COL19A1: variants seen among roughly 807,000 people sequenced by gnomAD.
COL19A1 encodes collagen alpha-1(XIX) chain.
Under a neutral mutation model 190.2 loss-of-function variants are expected in COL19A1, and 159 were observed. The observed-to-expected ratio is 0.84, with a 90% CI of 0.73 to 0.95. The LOEUF (loss-of-function observed/expected upper bound fraction) is 0.95. Ranked by LOEUF, COL19A1 falls within the 40% of genes least tolerant of loss-of-function variation. The pLI, the probability that COL19A1 is intolerant of heterozygous loss-of-function variation, is 0.00. For synonymous variants in COL19A1, 509 were observed against 458.9 expected (o/e 1.11, Z -1.39); for missense variants, 1,418 against 1,431.9 (o/e 0.99, Z 0.16).
Position 70,069,275 on chromosome 6 carries a change from G to A in COL19A1, c.1224+799G>A, listed in dbSNP as rs920784263. Reference sequence around the variant, plus strand: ...CTTGAGCTTCTGACTGTAGTCCTACGTTCTCTTTTATTATTAACCCCAAAT... The same window carrying A: ...CTTGAGCTTCTGACTGTAGTCCTACATTCTCTTTTATTATTAACCCCAAAT... On this transcript the variant is annotated intron_variant, in intron 15 of 50. Transcript: ENST00000620364. Among the ~76,000 whole-genome samples, 13 of 152,136 alleles carry A rather than the reference G, an allele frequency of 8.5e-5. No individual in the cohort carries two copies. The East Asian group carries it at 1.5e-3, about 18-fold the overall frequency.
In COL19A1 at chr6:69,929,155, TAC is replaced by T. The variant is rs141935825; in HGVS notation, c.391-245_391-244del. 0.13 allele frequency among the ~76,000 whole-genome samples: 18,759 copies of T among 148,388 alleles called. 1,291 individuals are homozygous for T. The highest frequency in any genetic ancestry group is 0.16 in the Middle Eastern group (47 of 290). ...GGTTTATATAAACATTTAAAATAAC[TAC>T]ACACACACACACACACACACACACT... is the stretch of plus-strand genomic sequence containing the variant. On this transcript the variant is annotated intron_variant, in intron 5 of 50. Coordinates refer to ENST00000620364, the MANE Select transcript of COL19A1 (RefSeq NM_001858.6).
At chr6:70,114,493 A>C (rs1161197432) in intron 16 of COL19A1, among the ~76,000 whole-genome samples, 1 of 152,214 alleles carries the variant, frequency 6.6e-6, no homozygotes, top group Non-Finnish European at 1.5e-5. Context: ...AGCTAAATGC[A>C]ATAATGCATG....
intron 11 of COL19A1, among the ~76,000 whole-genome samples, chr6:69,994,902 C>T (rs181744781): frequency 8.5e-5 from 13 of 152,258 alleles, no homozygotes; most frequent in Admixed American, 2.0e-4. Flanking sequence ...ACCCTGCCCA[C>T]GGTGTCCCCA....
At chr6:69,993,125 T>C (rs1392116923) in intron 11 of COL19A1, among the ~76,000 whole-genome samples, 1 of 152,114 alleles carries the variant, frequency 6.6e-6, no homozygotes. Context: ...TTTTGAGGTA[T>C]GTTCCTTAAA....
chr6:70,065,159 A>G (rs1219589322), intron 14 of COL19A1, among the ~76,000 whole-genome samples: 2 of 152,194 alleles, frequency 1.3e-5, no homozygotes, highest in Non-Finnish European at 2.9e-5. Context: ...AGTCAATCCT[A>G]AGCCAAAAGA....
intron 11 of COL19A1, among the ~76,000 whole-genome samples, chr6:69,998,796 A>G (rs754792255): frequency 2.2e-4 from 34 of 152,140 alleles, no homozygotes; most frequent in Non-Finnish European, 4.4e-4. Flanking sequence ...TACAGTGAAC[A>G]CTCATATATT....
At chr6:70,074,174 A>T (rs1781721662) in intron 15 of COL19A1, among the ~76,000 whole-genome samples, 1 of 152,116 alleles carries the variant, frequency 6.6e-6, no homozygotes, top group South Asian at 2.1e-4. Context: ...TGCAGGTCAG[A>T]CCTGCCTCAC....
At chr6:69,937,061 AT>A in intron 8 of COL19A1, 151 bp downstream of exon 8, 1 of 1,105,810 alleles carries the variant, frequency 9.0e-7, no homozygotes, top group Non-Finnish European at 1.3e-6. Context: ...AGAAAAAGGC[AT>A]TGAAGATAGG....
chr6:70,141,895 A>C lies in COL19A1; in HGVS notation c.1485A>C (p.Gly495=). Residue 495 remains glycine, a splice_region_variant and synonymous_variant, in exon 21 of 51, where the codon GGA becomes GGC. Coordinates refer to ENST00000620364, the MANE Select transcript of COL19A1 (RefSeq NM_001858.6). ...TATAGTAATTATTTTATTTACAGGG[A>C]GAACCTGGGGTAATAGGATCACAGG... is the stretch of plus-strand genomic sequence containing the variant. ...PFTKGEKGDR[G]EPGVIGSQGV... 6.3e-7 allele frequency: 1 copy of C among 1,585,190 alleles called. No homozygotes were observed. The highest frequency in any genetic ancestry group is 8.7e-7 in the Non-Finnish European group (1 of 1,154,202).
rs1350592491 is a variant in COL19A1 at position 69,899,140 on chromosome 6, G to T, written c.166+118G>T. 1.8e-5 allele frequency: 11 copies of T among 625,258 alleles called. No homozygotes were observed. In the East Asian group the frequency reaches 2.0e-4, roughly 11 times the overall value. The allele number at this position is 625,258 out of a possible 1,614,324, so 38.7% of individuals were successfully genotyped here. A position where few individuals can be genotyped will look rare whatever the true frequency, so the allele number is the denominator to read the frequency against. ...TGCAATTTAAGATCATAGCATTAAC[G>T]TGAAAATTTTAAGAATTCTTTTTAA... On this transcript the variant is annotated intron_variant, in intron 3 of 50. Transcript: ENST00000620364.
intron 4 of COL19A1, among the ~76,000 whole-genome samples, chr6:69,911,376 C>G (rs1383836548): frequency 6.6e-6 from 1 of 152,064 alleles, no homozygotes. Context: ...CTTATGTTTC[C>G]TAAGACACTT....
chr6:70,138,459 T>C (rs1786013000), intron 19 of COL19A1, among the ~76,000 whole-genome samples: 1 of 152,142 alleles, frequency 6.6e-6, no homozygotes, highest in African/African-American at 2.4e-5. Flanking sequence ...AAAGCAGTTT[T>C]CAAGAATCAG....
At chr6:70,046,558 A>G (rs1388717531) in intron 14 of COL19A1, among the ~76,000 whole-genome samples, 4 of 152,142 alleles carry the variant, frequency 2.6e-5, no homozygotes, top group Non-Finnish European at 5.9e-5. Flanking sequence ...CAATTAGAAT[A>G]AATGGATTGT....
intron 18 of COL19A1, among the ~76,000 whole-genome samples, chr6:70,135,899 G>T (rs536212114): frequency 2.0e-5 from 3 of 152,226 alleles, no homozygotes; most frequent in Admixed American, 1.3e-4. Context: ...CGGTCTTCTT[G>T]GTTCCACCCA....
intron 15 of COL19A1, among the ~76,000 whole-genome samples, chr6:70,073,072 C>T (rs757478674): frequency 3.1e-4 from 47 of 152,080 alleles, no homozygotes; most frequent in Middle Eastern, 6.8e-3. Context: ...ACTACAACCT[C>T]CACCTCCCCA....
At chr6:70,146,991 A>T in intron 27 of COL19A1, 102 bp downstream of exon 27, 1 of 992,866 alleles carries the variant, frequency 1.0e-6, no homozygotes, top group Non-Finnish European at 1.5e-6. Flanking sequence ...TCAGAGACGG[A>T]AATACAAATA....
At chr6:70,161,806 G>A (rs908603111) in intron 34 of COL19A1, 94 bp from the exon 35 acceptor site, 4 of 783,212 alleles carry the variant, frequency 5.1e-6, no homozygotes, top group South Asian at 2.3e-5. Flanking sequence ...AGCTAAATAA[G>A]TGTTTAATGT....
chr6:69,939,715 C>G (rs1366073995), intron 9 of COL19A1, among the ~76,000 whole-genome samples: 1 of 151,978 alleles, frequency 6.6e-6, no homozygotes, highest in Non-Finnish European at 1.5e-5. Flanking sequence ...TTGATGTGCC[C>G]AAGGTAACAC....
At chr6:69,957,131 A>G (rs1017941715) in intron 9 of COL19A1, among the ~76,000 whole-genome samples, 2 of 152,096 alleles carry the variant, frequency 1.3e-5, no homozygotes, top group Non-Finnish European at 2.9e-5. Flanking sequence ...CCTTCAGACA[A>G]TATATGTTTC....
Sources: allele counts gnomAD v4.1 joint callset (sites outside exome capture counted in the v4.1 genomes callset), GRCh38; gene constraint gnomAD v4.1.1; transcripts MANE v1.5; gene names NCBI Gene and HGNC (gene_info 2026-07-23, HGNC 2026-07-21).